SRGAP1: variants seen among roughly 807,000 people sequenced by gnomAD.
The protein encoded by SRGAP1 is SLIT-ROBO Rho GTPase activating protein 1.
In SRGAP1, 43 loss-of-function variants were observed where a neutral mutation model predicts 121.9. That is an observed-to-expected ratio of 0.35 (90% CI 0.28 to 0.46). The LOEUF (loss-of-function observed/expected upper bound fraction) is 0.46. Ranked by LOEUF, SRGAP1 falls within the 20% of genes least tolerant of loss-of-function variation. The pLI is 1.00. For synonymous variants in SRGAP1, 447 were observed against 485.4 expected (o/e 0.92, Z 1.04); for missense variants, 1,102 against 1,350.9 (o/e 0.82, Z 2.89).
intron 1 of SRGAP1, chr12:63,872,015 AG>A: frequency 1.1e-6 from 1 of 871,540 alleles, no homozygotes; most frequent in Non-Finnish European, 2.0e-6. Flanking sequence ...ATGCTTACAA[AG>A]GTTCTTCGGG....
chr12:63,911,118 T>C (rs1349863248), intron 1 of SRGAP1, among the ~76,000 whole-genome samples: 1 of 151,636 alleles, frequency 6.6e-6, no homozygotes, highest in African/African-American at 2.4e-5. Flanking sequence ...GCTAAAACGG[T>C]GAAACCCCAT....
chr12:64,113,132 G>A (rs1365546636), intron 17 of SRGAP1, among the ~76,000 whole-genome samples: 1 of 152,018 alleles, frequency 6.6e-6, no homozygotes, highest in Non-Finnish European at 1.5e-5. Flanking sequence ...AAAAGGCTGG[G>A]CGCAGTGGCT....
chr12:63,868,607 C>T (rs546089450), intron 1 of SRGAP1, among the ~76,000 whole-genome samples: 18 of 152,258 alleles, frequency 1.2e-4, no homozygotes, highest in African/African-American at 4.3e-4. Context: ...AGCGATATGC[C>T]AGCCTTGGCC....
At position 63,874,147 on chromosome 12, in the gene SRGAP1, TAATC is replaced by T. The variant is rs1327372352; in HGVS notation, c.67+29267_67+29270del. ...ACATAGATATTCAAGAGCCAATAAA[TAATC>T]AAATCAATTATTATATGTAAAAGTG... On this transcript the variant is annotated intron_variant, in intron 1 of 21. Coordinates refer to ENST00000355086, the MANE Select transcript of SRGAP1 (RefSeq NM_020762.4). 7.9e-5 allele frequency among the ~76,000 whole-genome samples: 12 copies of T among 151,796 alleles called. No individual in the cohort carries two copies. In the East Asian group the frequency reaches 1.9e-3, roughly 25 times the overall value.
chr12:64,103,090 C>T (rs2036284977), intron 15 of SRGAP1, among the ~76,000 whole-genome samples: 2 of 152,116 alleles, frequency 1.3e-5, no homozygotes, highest in African/African-American at 4.8e-5. Flanking sequence ...AGTGATCCTC[C>T]CCCCTCAGCC....
chr12:63,917,994 G>A (rs530676415), intron 1 of SRGAP1, among the ~76,000 whole-genome samples: 1 of 152,312 alleles, frequency 6.6e-6, no homozygotes, highest in Admixed American at 6.5e-5. Context: ...TGGAAGTTTG[G>A]TGGCTACAAG....
At chr12:63,934,727 A>G (rs781022997) in intron 1 of SRGAP1, among the ~76,000 whole-genome samples, 1 of 152,170 alleles carries the variant, frequency 6.6e-6, no homozygotes. Context: ...ACTAACTGCA[A>G]TAAGTTAACA....
At chr12:64,038,112 C>G (rs1329716683) in intron 4 of SRGAP1, among the ~76,000 whole-genome samples, 1 of 152,122 alleles carries the variant, frequency 6.6e-6, no homozygotes, top group Non-Finnish European at 1.5e-5. Flanking sequence ...CTCTCTTTGC[C>G]TCAGTTTTTT....
At chr12:63,851,952 A>G (rs1899088582) in intron 1 of SRGAP1, among the ~76,000 whole-genome samples, 1 of 152,102 alleles carries the variant, frequency 6.6e-6, no homozygotes. Flanking sequence ...AGTCATTGTT[A>G]TCTCTTTAAT....
intron 2 of SRGAP1, among the ~76,000 whole-genome samples, chr12:63,986,930 G>A (rs773531748): frequency 7.2e-5 from 11 of 152,120 alleles, no homozygotes; most frequent in Non-Finnish European, 1.6e-4. Flanking sequence ...TATTGAATAT[G>A]GGACTGAAGA....
At chr12:64,034,580 T>G (rs939367694) in intron 4 of SRGAP1, among the ~76,000 whole-genome samples, 20 of 152,250 alleles carry the variant, frequency 1.3e-4, no homozygotes, top group Non-Finnish European at 2.2e-4. Flanking sequence ...TTAATGGCAT[T>G]CTTTTCAAAT....
chr12:63,916,292 T>C (rs1208886354), intron 1 of SRGAP1, among the ~76,000 whole-genome samples: 1 of 152,142 alleles, frequency 6.6e-6, no homozygotes, highest in Non-Finnish European at 1.5e-5. Context: ...CCCAAAGTGC[T>C]GGGATTACAG....
rs766415315 is a variant in SRGAP1, at chr12:64,095,007, A to T, written c.1600+15A>T. 2 of 1,613,498 alleles carry T rather than the reference A, an allele frequency of 1.2e-6. No individual in the cohort carries two copies. Among genetic ancestry groups the T allele is most frequent in the Non-Finnish European group, 1.7e-6 (2 of 1,179,494 alleles). Reference sequence around the variant, plus strand: ...CAATCTCTATGGTAAGCCATAAACTACAGAATTCTTATTTTTTAAAAAATC... The same window carrying T: ...CAATCTCTATGGTAAGCCATAAACTTCAGAATTCTTATTTTTTAAAAAATC... On this transcript the variant is annotated intron_variant, in intron 13 of 21. Coordinates refer to ENST00000355086, the MANE Select transcript of SRGAP1 (RefSeq NM_020762.4).
chr12:63,903,493 G>C lies in SRGAP1; in HGVS notation c.67+58610G>C, dbSNP rs548953880. ...ACTCCTGACTTCAAGTGATCTGCCT[G>C]ACTCAGCCTCCCAAAGTGCTGGGAT... On this transcript the variant is annotated intron_variant, in intron 1 of 21. Transcript: ENST00000355086. Among the ~76,000 whole-genome samples, 7 of 152,066 alleles carry C rather than the reference G, an allele frequency of 4.6e-5. No individual in the cohort carries two copies. In the South Asian group the frequency reaches 1.5e-3, roughly 32 times the overall value.
rs2037208609 is a variant in SRGAP1 at position 64,161,428 on chromosome 12, T to G, written c.*18756T>G. ...TATTTTCAGGGAAATATCCTCAACTTTATCTGCTAACTCTTCTGTTAAGTA... is the reference window on the plus strand; with the variant it reads ...TATTTTCAGGGAAATATCCTCAACTGTATCTGCTAACTCTTCTGTTAAGTA... On this transcript the variant is annotated 3_prime_UTR_variant, in exon 22 of 22. Coordinates refer to ENST00000355086, the MANE Select transcript of SRGAP1 (RefSeq NM_020762.4). The G allele has an allele frequency of 6.6e-6, 1 of 152,190 alleles. No individual in the cohort carries two copies. Among genetic ancestry groups the G allele is most frequent in the South Asian group, 2.1e-4 (1 of 4,828 alleles). 9.4% of individuals were successfully genotyped at this position (152,190 alleles called of 1,614,324 possible).
chr12:63,893,631 A>T (rs1900657833), intron 1 of SRGAP1, among the ~76,000 whole-genome samples: 1 of 152,180 alleles, frequency 6.6e-6, no homozygotes, highest in East Asian at 1.9e-4. Flanking sequence ...GTAAACTGAA[A>T]CTAGAGAGGC....
intron 1 of SRGAP1, 91 bp from the exon 2 acceptor site, chr12:63,983,832 ATATATATATATATATATATATATT>A (rs1166995002): frequency 4.7e-4 from 51 of 109,016 alleles, no homozygotes; most frequent in Admixed American, 9.3e-4. Flanking sequence ...ATATATATAT[ATATATATATATATATATATATATT>A]TATATATATT....
chr12:64,048,051 A>G (rs2035169541), intron 6 of SRGAP1, among the ~76,000 whole-genome samples: 1 of 152,172 alleles, frequency 6.6e-6, no homozygotes, highest in Non-Finnish European at 1.5e-5. Context: ...ATTACTGTGT[A>G]GTAATTTATT....
chr12:64,112,062 G>C, intron 17 of SRGAP1, 76 bp downstream of exon 17: 2 of 1,239,714 alleles, frequency 1.6e-6, no homozygotes, highest in South Asian at 2.8e-5. Context: ...TTAGAAGAAA[G>C]AGTTTCCCAT....
Sources: allele counts gnomAD v4.1 joint callset (sites outside exome capture counted in the v4.1 genomes callset), GRCh38; gene constraint gnomAD v4.1.1; transcripts MANE v1.5; gene names NCBI Gene and HGNC (gene_info 2026-07-23, HGNC 2026-07-21).